Variants in GRM8 observed in about 807,000 individuals in gnomAD.
GRM8 encodes the protein metabotropic glutamate receptor 8.
A neutral mutation model predicts 87.2 loss-of-function variants in GRM8; 47 were observed. The observed-to-expected ratio is 0.54, with a 90% CI of 0.43 to 0.69. The LOEUF (loss-of-function observed/expected upper bound fraction) is 0.69, where lower values mean the gene tolerates loss of function less well. GRM8 is among the 30% of genes least tolerant of loss of function. The pLI is 0.00. For synonymous variants in GRM8, 396 were observed against 404.5 expected (o/e 0.98, Z 0.25); for missense variants, 1,019 against 1,139.2 (o/e 0.89, Z 1.52).
chr7:126,459,172 GTTT>G (rs1477020074), intron 9 of GRM8, among the ~76,000 whole-genome samples: 1 of 151,366 alleles, frequency 6.6e-6, no homozygotes, highest in African/African-American at 2.4e-5. Flanking sequence ...GTACAAATTA[GTTT>G]TTTTAATTCT....
chr7:126,599,275 T>C (rs1797506021), intron 8 of GRM8, among the ~76,000 whole-genome samples: 1 of 152,134 alleles, frequency 6.6e-6, no homozygotes, highest in African/African-American at 2.4e-5. Context: ...CTATCTGGCC[T>C]GATTGCAAGG....
intron 6 of GRM8, among the ~76,000 whole-genome samples, chr7:126,838,953 G>C (rs934771629): frequency 1.3e-5 from 2 of 152,134 alleles, no homozygotes; most frequent in Admixed American, 1.3e-4. Flanking sequence ...TGACTGAATG[G>C]CTGCTTCTGA....
intron 3 of GRM8, among the ~76,000 whole-genome samples, chr7:127,079,209 G>C (rs1822599824): frequency 6.6e-6 from 1 of 151,746 alleles, no homozygotes; most frequent in Non-Finnish European, 1.5e-5. Flanking sequence ...CAACCTCTCT[G>C]CCTCCCAGGT....
At chr7:126,457,275 TATA>T (rs1803367933) in intron 9 of GRM8, among the ~76,000 whole-genome samples, 1 of 151,414 alleles carries the variant, frequency 6.6e-6, no homozygotes, top group South Asian at 2.1e-4. Flanking sequence ...TTATTGGAGA[TATA>T]TAAAACATGA....
chr7:127,225,302 TG>T (rs1479100330), intron 2 of GRM8, among the ~76,000 whole-genome samples: 1 of 152,206 alleles, frequency 6.6e-6, no homozygotes, highest in Admixed American at 6.5e-5. Context: ...CTGGTGCTTA[TG>T]GAAGGCTCTT....
rs372420790 is a variant in GRM8, at chr7:126,810,739, G to A, written c.1157-40674C>T. On this transcript the variant is annotated intron_variant, in intron 6 of 10. Transcript: ENST00000339582. ...TTTACAATTATCTTACCTAAGTGAA[G>A]GAACTTTATGTACCTCACTCAGATT... is the stretch of plus-strand genomic sequence containing the variant. Among the ~76,000 whole-genome samples the A allele has an allele frequency of 5.3e-5, 8 of 152,210 alleles. No individual in the cohort carries two copies. In the East Asian group the frequency reaches 7.7e-4, roughly 15 times the overall value.
intron 2 of GRM8, among the ~76,000 whole-genome samples, chr7:127,196,426 A>G (rs1030191552): frequency 6.6e-6 from 1 of 152,048 alleles, no homozygotes; most frequent in African/African-American, 2.4e-5. Flanking sequence ...CTAAGGTGGG[A>G]GAATCACTTG....
chr7:126,715,763 T>C (rs775979642), intron 7 of GRM8, among the ~76,000 whole-genome samples: 30 of 152,172 alleles, frequency 2.0e-4, no homozygotes, highest in South Asian at 1.0e-3. Flanking sequence ...TATTCAAATA[T>C]AGCTAGGCCA....
chr7:126,774,458 G>A (rs535463470), intron 6 of GRM8, among the ~76,000 whole-genome samples: 2 of 152,232 alleles, frequency 1.3e-5, no homozygotes, highest in South Asian at 2.1e-4. Flanking sequence ...AAATATCACC[G>A]ATTGTAAAGT....
intron 3 of GRM8, among the ~76,000 whole-genome samples, chr7:127,041,519 G>T (rs1005642645): frequency 1.3e-5 from 2 of 152,170 alleles, no homozygotes; most frequent in Non-Finnish European, 2.9e-5. Context: ...TTAACAAAAT[G>T]TATTCTCTAC....
At chr7:126,572,707 A>G (rs1794785833) in intron 8 of GRM8, among the ~76,000 whole-genome samples, 1 of 152,184 alleles carries the variant, frequency 6.6e-6, no homozygotes, top group Non-Finnish European at 1.5e-5. Context: ...CACTCCAAAC[A>G]TGCAGAAGTA....
chr7:127,085,832 A>G (rs1326721227), intron 3 of GRM8, among the ~76,000 whole-genome samples: 8 of 151,872 alleles, frequency 5.3e-5, no homozygotes, highest in African/African-American at 1.9e-4. Flanking sequence ...GTCTATTTTC[A>G]CTTTTGTTGC....
chr7:127,012,559 G>A (rs1202004732), intron 3 of GRM8, among the ~76,000 whole-genome samples: 1 of 152,038 alleles, frequency 6.6e-6, no homozygotes, highest in Admixed American at 6.6e-5. Flanking sequence ...TTACTGCCTT[G>A]GATGTCATAA....
intron 3 of GRM8, among the ~76,000 whole-genome samples, chr7:126,980,306 A>G (rs1401838659): frequency 6.6e-6 from 1 of 152,228 alleles, no homozygotes; most frequent in African/African-American, 2.4e-5. Flanking sequence ...TAAACAAGTC[A>G]ACACCTAATG....
At chr7:127,236,636 T>C (rs1468071281) in intron 2 of GRM8, among the ~76,000 whole-genome samples, 1 of 152,176 alleles carries the variant, frequency 6.6e-6, no homozygotes, top group East Asian at 1.9e-4. Flanking sequence ...TTGGGGATTA[T>C]AGGGATTACA....
At chr7:126,641,302 A>G (rs1289715694) in intron 7 of GRM8, among the ~76,000 whole-genome samples, 1 of 152,220 alleles carries the variant, frequency 6.6e-6, no homozygotes, top group South Asian at 2.1e-4. Context: ...AAAGTCTGCA[A>G]ATCTGTGGGA....
intron 7 of GRM8, among the ~76,000 whole-genome samples, chr7:126,611,174 G>A (rs1348588357): frequency 1.3e-5 from 2 of 152,124 alleles, no homozygotes; most frequent in Non-Finnish European, 1.5e-5. Flanking sequence ...CAATCAAGCA[G>A]TACTATCTTA....
intron 3 of GRM8, among the ~76,000 whole-genome samples, chr7:126,948,157 G>A (rs1401147231): frequency 5.9e-5 from 9 of 152,052 alleles, no homozygotes; most frequent in Admixed American, 5.2e-4. Flanking sequence ...TAAAAAATAA[G>A]AGAAACACTA....
chr7:126,953,755 G>A (rs965235806), intron 3 of GRM8, among the ~76,000 whole-genome samples: 7 of 152,056 alleles, frequency 4.6e-5, no homozygotes, highest in African/African-American at 1.4e-4. Context: ...AAGCCTCCAA[G>A]CAACAAACTA....
Sources: gnomAD v4.1 joint callset for allele counts (sites outside exome capture counted in the v4.1 genomes callset) on GRCh38, gnomAD v4.1.1 for gene constraint, MANE v1.5 for transcripts, NCBI Gene and HGNC (gene_info 2026-07-23, HGNC 2026-07-21) for gene names.